The following C9 variants were observed in gnomAD, a reference collection of about 807,000 sequenced individuals.
C9 encodes the protein complement component C9.
In C9, 63 loss-of-function variants were observed where a neutral mutation model predicts 65.4. The observed-to-expected ratio is 0.96, with a 90% CI of 0.79 to 1.19. C9 has a LOEUF of 1.19. Among genes scored for constraint, C9 ranks in the 50% most tolerant of loss-of-function variants. C9 has a pLI of 0.00. For missense variants in C9, 744 were observed against 670.1 expected (o/e 1.11, Z -1.22); for synonymous variants, 229 against 227.9 (o/e 1.00, Z -0.04).
At chr5:39,290,384 G>C (rs1753066863) in intron 9 of C9, among the ~76,000 whole-genome samples, 1 of 151,642 alleles carries the variant, frequency 6.6e-6, no homozygotes, top group South Asian at 2.1e-4. Context: ...GAGGCACTTT[G>C]GTGGCAGAGC....
chr5:39,312,477 TC>T, intron 6 of C9, among the ~76,000 whole-genome samples: 1 of 152,236 alleles, frequency 6.6e-6, no homozygotes, highest in South Asian at 2.1e-4. Flanking sequence ...AGATCTCAGG[TC>T]TCCTTGTCCC....
intron 6 of C9, among the ~76,000 whole-genome samples, chr5:39,314,229 C>T (rs963973635): frequency 2.6e-5 from 4 of 152,044 alleles, no homozygotes; most frequent in Non-Finnish European, 2.9e-5. Context: ...ACGGGTGGAT[C>T]ACCTGAGGTT....
intron 5 of C9, among the ~76,000 whole-genome samples, chr5:39,326,767 C>G (rs960521404): frequency 4.6e-5 from 7 of 152,208 alleles, no homozygotes; most frequent in Non-Finnish European, 1.0e-4. Context: ...TAAGCTTTAT[C>G]TGCTGCTAGA....
intron 10 of C9, 61 bp downstream of exon 10, chr5:39,288,662 A>G (rs1753034190): frequency 1.1e-6 from 1 of 885,040 alleles, no homozygotes; most frequent in Non-Finnish European, 1.9e-6. Flanking sequence ...CTAGTTTTCA[A>G]ATTAGATAAC....
At chr5:39,325,718 G>A (rs754434251) in intron 5 of C9, among the ~76,000 whole-genome samples, 43 of 146,452 alleles carry the variant, frequency 2.9e-4, no homozygotes, top group Admixed American at 4.2e-4. Context: ...ATTGCAGTGA[G>A]CTGAGATTGC....
intron 1 of C9, among the ~76,000 whole-genome samples, chr5:39,352,547 G>T (rs780048166): frequency 6.6e-6 from 1 of 152,096 alleles, no homozygotes; most frequent in Non-Finnish European, 1.5e-5. Context: ...GGTGCTACTT[G>T]TCTCATCCTG....
chr5:39,288,904 G>C lies in C9; in HGVS notation c.1464C>G (p.His488Gln). 6.2e-7 allele frequency: 1 copy of C among 1,611,174 alleles called. No individual in the cohort carries two copies. Among genetic ancestry groups the C allele is most frequent in the Non-Finnish European group, 8.5e-7 (1 of 1,177,946 alleles). Residue 488 changes from histidine to glutamine, a missense_variant, in exon 10 of 11, where the codon CAC becomes CAG. His to Gln is a conservative substitution (Grantham distance 24). Transcript: ENST00000263408. Reference sequence around the variant, plus strand: ...CTCTTTCCAAGTTTTGTTTCTTTAGGTGTGCATTTTTCATTTTCACTGGAA... The same window carrying C: ...CTCTTTCCAAGTTTTGTTTCTTTAGCTGTGCATTTTTCATTTTCACTGGAA... ...NLVPVKMKNA[H>Q]LKKQNLERAI... is the part of the protein sequence containing the mutation.
At chr5:39,354,606 A>G (rs543774079) in intron 1 of C9, among the ~76,000 whole-genome samples, 1 of 152,208 alleles carries the variant, frequency 6.6e-6, no homozygotes, top group Non-Finnish European at 1.5e-5. Context: ...CTGAGCTGGT[A>G]TCCTTTCTGA....
Position 39,292,465 on chromosome 5 carries a change from G to T in C9, c.1417-3514C>A, listed in dbSNP as rs118069578. On this transcript the variant is annotated intron_variant, in intron 9 of 10. Transcript: ENST00000263408. Reference sequence around the variant, plus strand: ...CCAAGAGAGTTTGATACTAGCTAATGCACACTAAAAGAAATGCCAAAGGAA... The same window carrying T: ...CCAAGAGAGTTTGATACTAGCTAATTCACACTAAAAGAAATGCCAAAGGAA... 1.8e-3 allele frequency among the ~76,000 whole-genome samples: 277 copies of T among 151,400 alleles called. 8 individuals are homozygous for T. In the East Asian group the frequency reaches 0.049, roughly 27 times the overall value.
chr5:39,348,960 G>A (rs1272071456), intron 1 of C9, among the ~76,000 whole-genome samples: 8 of 141,012 alleles, frequency 5.7e-5, no homozygotes, highest in East Asian at 2.4e-4. Flanking sequence ...TCATAGGTAG[G>A]GATTGAGCAA....
At position 39,311,238 on chromosome 5, in the gene C9, G is replaced by A. The variant is rs761632063; in HGVS notation, c.1010C>T (p.Ala337Val). The A allele has an allele frequency of 8.1e-6, 13 of 1,613,688 alleles. No individual in the cohort carries two copies. Among genetic ancestry groups the A allele is most frequent in the African/African-American group, 2.7e-5 (2 of 75,002 alleles). ...PTTYEKGEYF[A>V]FLETYGTHYS... ...GTGAGTTCCATAGGTTTCCAAAAAGGCAAAATATTCTCCCTTTTCATAGGT... is the reference window on the plus strand; with the variant it reads ...GTGAGTTCCATAGGTTTCCAAAAAGACAAAATATTCTCCCTTTTCATAGGT... The change falls in exon 7 of 11, where the codon GCC becomes GTC. Residue 337 changes from alanine (A) to valine (V), a missense_variant. Physicochemically the swap from Ala to Val is moderately conservative, Grantham distance 64. Coordinates refer to ENST00000263408, the MANE Select transcript of C9 (RefSeq NM_001737.5).
At chr5:39,295,403 T>C (rs1051217043) in intron 9 of C9, among the ~76,000 whole-genome samples, 3 of 151,648 alleles carry the variant, frequency 2.0e-5, no homozygotes, top group Admixed American at 1.3e-4. Flanking sequence ...AACATTTCTA[T>C]TAAAGAACAA....
intron 6 of C9, among the ~76,000 whole-genome samples, chr5:39,312,570 A>G (rs78407587): frequency 0.03 from 4,494 of 152,218 alleles, 203 homozygotes; most frequent in African/African-American, 0.1. Flanking sequence ...CAGCCTAAGC[A>G]ACTCAACAGT....
At chr5:39,310,722 A>C (rs896283435) in intron 7 of C9, among the ~76,000 whole-genome samples, 2 of 152,192 alleles carry the variant, frequency 1.3e-5, no homozygotes, top group Non-Finnish European at 2.9e-5. Flanking sequence ...AATTTAGAAC[A>C]ATATTTTCCC....
Position 39,342,038 on chromosome 5 carries a change from G to A in C9, c.183+53C>T, listed in dbSNP as rs113251314. 30 of 993,164 alleles carry A rather than the reference G, an allele frequency of 3.0e-5. 1 individual carries two copies. The highest frequency in any genetic ancestry group is 2.7e-4 in the African/African-American group (17 of 63,222). The allele number at this position is 993,164 out of a possible 1,614,324, so 61.5% of individuals were successfully genotyped here. On this transcript the variant is annotated intron_variant, in intron 2 of 10. Coordinates refer to ENST00000263408, the MANE Select transcript of C9 (RefSeq NM_001737.5). ...CATAATCATTTTTCTGGAGAGGCTA[G>A]CAATACAGTTTCCATTTGGGGAGGT... is the stretch of plus-strand genomic sequence containing the variant.
intron 4 of C9, among the ~76,000 whole-genome samples, chr5:39,332,425 AT>A (rs562855565): frequency 2.6e-5 from 4 of 152,156 alleles, no homozygotes; most frequent in African/African-American, 7.2e-5. Flanking sequence ...CAAAAGTTCT[AT>A]TTTTTCCCAT....
chr5:39,357,897 T>C (rs1274007086), intron 1 of C9, among the ~76,000 whole-genome samples: 1 of 152,204 alleles, frequency 6.6e-6, no homozygotes, highest in Non-Finnish European at 1.5e-5. Flanking sequence ...TCTGCTGGTT[T>C]ATCTAAAGAT....
chr5:39,297,518 G>C (rs1294124572), intron 9 of C9, among the ~76,000 whole-genome samples: 5 of 151,520 alleles, frequency 3.3e-5, no homozygotes, highest in African/African-American at 9.7e-5. Context: ...CAAAGCTGTA[G>C]ATAGTTTCAA....
chr5:39,298,264 A>G (rs1753220537), intron 9 of C9, among the ~76,000 whole-genome samples: 1 of 151,616 alleles, frequency 6.6e-6, no homozygotes, highest in Admixed American at 6.6e-5. Context: ...AGAAACTAGA[A>G]ACAGAAGAAA....
Sources: allele counts gnomAD v4.1 joint callset (sites outside exome capture counted in the v4.1 genomes callset), GRCh38; gene constraint gnomAD v4.1.1; transcripts MANE v1.5; gene names NCBI Gene and HGNC (gene_info 2026-07-23, HGNC 2026-07-21).